Variants in PGM1 observed in about 807,000 individuals in gnomAD.
PGM1 encodes the protein phosphoglucomutase-1.
A neutral mutation model predicts 55.6 loss-of-function variants in PGM1; 52 were observed. The observed-to-expected ratio is 0.94, with a 90% CI of 0.75 to 1.18. PGM1 has a LOEUF of 1.18. PGM1 is among the 50% of genes most tolerant of loss of function. PGM1 has a pLI of 0.00. For missense variants in PGM1, 724 were observed against 729.3 expected (o/e 0.99, Z 0.08); for synonymous variants, 287 against 271.7 (o/e 1.06, Z -0.55).
chr1:63,636,148 A>C (rs1649355249), intron 5 of PGM1, 86 bp from the exon 6 acceptor site: 7 of 1,303,596 alleles, frequency 5.4e-6, no homozygotes, highest in Non-Finnish European at 7.7e-6. Flanking sequence ...TTATAGTTTT[A>C]CATTTTATAA....
intron 1 of PGM1, among the ~76,000 whole-genome samples, chr1:63,616,847 C>A (rs1042540592): frequency 2.6e-5 from 4 of 152,210 alleles, no homozygotes; most frequent in African/African-American, 9.7e-5. Context: ...TTCTCCTTTT[C>A]TTTAGAGAAC....
Position 63,660,120 on chromosome 1 carries a change from G to T in PGM1, c.*445G>T. The T allele has an allele frequency of 4.4e-6, 1 of 227,544 alleles. No homozygotes were observed. Among genetic ancestry groups the T allele is most frequent in the Non-Finnish European group, 9.0e-6 (1 of 110,804 alleles). 14.1% of individuals were successfully genotyped at this position (227,544 alleles called of 1,614,324 possible). A position where few individuals can be genotyped will look rare whatever the true frequency, so the allele number is the denominator to read the frequency against. On this transcript the variant is annotated 3_prime_UTR_variant, in exon 11 of 11. Coordinates refer to ENST00000371084, the MANE Select transcript of PGM1 (RefSeq NM_002633.3). Reference sequence around the variant, plus strand: ...GTAACCCAACAAAATGCAATTTCTAGTGCCTTCTGTCCAATCAGTTCTTTC... The same window carrying T: ...GTAACCCAACAAAATGCAATTTCTATTGCCTTCTGTCCAATCAGTTCTTTC...
chr1:63,619,711 C>T (rs995035311), intron 1 of PGM1, among the ~76,000 whole-genome samples: 20 of 152,310 alleles, frequency 1.3e-4, no homozygotes, highest in African/African-American at 4.3e-4. Flanking sequence ...TCTCCAGTCT[C>T]ATCCCTGTCA....
intron 1 of PGM1, chr1:63,623,441 C>A: frequency 1.2e-6 from 2 of 1,606,850 alleles, no homozygotes; most frequent in Non-Finnish European, 8.5e-7. Context: ...CCTCACTGAG[C>A]CAGTCGGTGG....
chr1:63,606,629 T>G (rs1418225469), intron 1 of PGM1, among the ~76,000 whole-genome samples: 1 of 152,204 alleles, frequency 6.6e-6, no homozygotes, highest in Non-Finnish European at 1.5e-5. Flanking sequence ...AAAACTTAGC[T>G]AAGCCTACCT....
At chr1:63,635,106 C>G in intron 5 of PGM1, 87 bp downstream of exon 5, 1 of 1,096,714 alleles carries the variant, frequency 9.1e-7, no homozygotes, top group South Asian at 1.2e-5. Flanking sequence ...TTCTGCCAGA[C>G]CCAGGGAATA....
chr1:63,602,410 GT>G (rs1200617157), intron 1 of PGM1, among the ~76,000 whole-genome samples: 1 of 152,150 alleles, frequency 6.6e-6, no homozygotes, highest in East Asian at 1.9e-4. Context: ...GTGAAATTTT[GT>G]TTTAATATCC....
At chr1:63,606,286 A>T (rs186608592) in intron 1 of PGM1, among the ~76,000 whole-genome samples, 59 of 152,378 alleles carry the variant, frequency 3.9e-4, no homozygotes, top group African/African-American at 1.4e-3. Flanking sequence ...TTTGGTACAG[A>T]ATACCAACTT....
chr1:63,636,693 A>C (rs141720391), intron 6 of PGM1, among the ~76,000 whole-genome samples: 6 of 152,180 alleles, frequency 3.9e-5, no homozygotes, highest in Non-Finnish European at 7.3e-5. Context: ...TGTTTTGTTC[A>C]CCATCTGGAC....
chr1:63,593,444 G>C lies in PGM1; in HGVS notation c.-45G>C, dbSNP rs763399590. 1.2e-6 allele frequency: 2 copies of C among 1,610,808 alleles called. No homozygotes were observed. Among genetic ancestry groups the C allele is most frequent in the Non-Finnish European group, 1.7e-6 (2 of 1,178,972 alleles). On this transcript the variant is annotated 5_prime_UTR_variant, in exon 1 of 11. Coordinates refer to ENST00000371084, the MANE Select transcript of PGM1 (RefSeq NM_002633.3). ...TGCAGCCTCAGCCGGCCGCCCCTCC[G>C]CCAGCCAAGTCCGCCGCTCTGACCC...
chr1:63,598,988 G>A (rs1427669576), intron 1 of PGM1, among the ~76,000 whole-genome samples: 1 of 152,200 alleles, frequency 6.6e-6, no homozygotes, highest in Non-Finnish European at 1.5e-5. Context: ...ACTGCTGAAG[G>A]AACATGTTTC....
At chr1:63,598,853 G>A (rs551110274) in intron 1 of PGM1, among the ~76,000 whole-genome samples, 31 of 152,298 alleles carry the variant, frequency 2.0e-4, no homozygotes, top group Admixed American at 1.9e-3. Flanking sequence ...GAGGTTAAGG[G>A]TCTCATGTTC....
At chr1:63,607,614 C>T (rs1039943501) in intron 1 of PGM1, among the ~76,000 whole-genome samples, 6 of 152,114 alleles carry the variant, frequency 3.9e-5, no homozygotes, top group South Asian at 2.1e-4. Context: ...AAAAAGGAGG[C>T]GACATTTCTC....
At chr1:63,636,203 G>A (rs1649357088) in intron 5 of PGM1, 31 bp from the exon 6 acceptor site, 2 of 1,605,340 alleles carry the variant, frequency 1.2e-6, no homozygotes, top group Non-Finnish European at 1.7e-6. Flanking sequence ...TTGATTAAAA[G>A]GTCTTTCTTT....
At chr1:63,635,864 G>A (rs1166282353) in intron 5 of PGM1, among the ~76,000 whole-genome samples, 2 of 152,168 alleles carry the variant, frequency 1.3e-5, no homozygotes, top group African/African-American at 2.4e-5. Flanking sequence ...TATGTAAACA[G>A]CCAATATTTC....
At chr1:63,647,792 G>A (rs1171330045) in intron 7 of PGM1, among the ~76,000 whole-genome samples, 7 of 152,218 alleles carry the variant, frequency 4.6e-5, no homozygotes, top group East Asian at 1.9e-4. Context: ...TAAGCTACCA[G>A]ACTATTTGAA....
At chr1:63,620,054 G>C (rs1557708519) in intron 1 of PGM1, among the ~76,000 whole-genome samples, 1 of 152,182 alleles carries the variant, frequency 6.6e-6, no homozygotes, top group Non-Finnish European at 1.5e-5. Flanking sequence ...ACAGTACTGG[G>C]TGTTTTCACA....
Position 63,651,860 on chromosome 1 carries a change from C to G in PGM1, c.1464+8C>G, listed in dbSNP as rs1167624894. ...AGCATTTCAAGAAATCAGGTAGAAACAGACCGGTGTGTAAGTGAGAGAGAG... is the reference window on the plus strand; with the variant it reads ...AGCATTTCAAGAAATCAGGTAGAAAGAGACCGGTGTGTAAGTGAGAGAGAG... On this transcript the variant is annotated splice_region_variant and intron_variant, in intron 9 of 10. Transcript: ENST00000371084. 1 of 1,612,150 alleles carries G rather than the reference C, an allele frequency of 6.2e-7. No homozygotes were observed. The highest frequency in any genetic ancestry group is 1.7e-5 in the Admixed American group (1 of 59,998).
intron 10 of PGM1, among the ~76,000 whole-genome samples, chr1:63,657,888 C>A (rs1457645248): frequency 6.6e-6 from 1 of 152,200 alleles, no homozygotes; most frequent in Non-Finnish European, 1.5e-5. Flanking sequence ...CTTAATAGCA[C>A]AAGAGAAAAG....
Sources: allele counts gnomAD v4.1 joint callset (sites outside exome capture counted in the v4.1 genomes callset), GRCh38; gene constraint gnomAD v4.1.1; transcripts MANE v1.5; gene names NCBI Gene and HGNC (gene_info 2026-07-23, HGNC 2026-07-21).